GRXCR1: variants seen among roughly 807,000 people sequenced by gnomAD.
The protein encoded by GRXCR1 is glutaredoxin and cysteine rich domain containing 1.
Under a neutral mutation model 27.3 loss-of-function variants are expected in GRXCR1, and 27 were observed. The observed-to-expected ratio is 0.99, with a 90% CI of 0.73 to 1.37. The LOEUF (loss-of-function observed/expected upper bound fraction) is 1.37, where lower values mean the gene tolerates loss of function less well. Among genes scored for constraint, GRXCR1 ranks in the 40% most tolerant of loss-of-function variants. The pLI, the probability that GRXCR1 is intolerant of heterozygous loss-of-function variation, is 0.00. For missense variants in GRXCR1, 379 were observed against 354.4 expected, an observed-to-expected ratio of 1.07 and a Z score of -0.56; for synonymous variants, 122 against 131.1, an observed-to-expected ratio of 0.93 and a Z score of 0.47.
At position 42,920,646 on chromosome 4, in the gene GRXCR1, A is replaced by T. The variant is rs1276774823; in HGVS notation, c.384+26996A>T. Among the ~76,000 whole-genome samples the T allele has an allele frequency of 2.6e-5, 4 of 152,128 alleles. No individual in the cohort carries two copies. In the East Asian group the frequency reaches 7.8e-4, roughly 29 times the overall value. ...GTCCTTTTATCTTATCAAGATGGAT[A>T]ACTCTTGCAGGGTATAAGTTTTTTC... On this transcript the variant is annotated intron_variant, in intron 1 of 3. Coordinates refer to ENST00000399770, the MANE Select transcript of GRXCR1 (RefSeq NM_001080476.3).
intron 3 of GRXCR1, among the ~76,000 whole-genome samples, chr4:43,027,129 C>T (rs1480681175): frequency 6.6e-6 from 1 of 152,164 alleles, no homozygotes; most frequent in Non-Finnish European, 1.5e-5. Flanking sequence ...AAAATCATTT[C>T]AATAGGAATT....
chr4:42,988,848 A>G (rs1242397507), intron 2 of GRXCR1, among the ~76,000 whole-genome samples: 1 of 152,238 alleles, frequency 6.6e-6, no homozygotes, highest in Non-Finnish European at 1.5e-5. Context: ...GTCATATATT[A>G]TCAGAGGATA....
At chr4:42,993,927 G>A (rs1352847052) in intron 2 of GRXCR1, among the ~76,000 whole-genome samples, 1 of 152,084 alleles carries the variant, frequency 6.6e-6, no homozygotes, top group Non-Finnish European at 1.5e-5. Flanking sequence ...ATAAATAAAC[G>A]AGTGTAGAAG....
chr4:42,910,644 A>C (rs1746701990), intron 1 of GRXCR1, among the ~76,000 whole-genome samples: 6 of 152,164 alleles, frequency 3.9e-5, no homozygotes, highest in Admixed American at 3.9e-4. Flanking sequence ...GGAATTCAGC[A>C]TGAGGCCTGG....
chr4:42,986,013 C>T (rs1422687388), intron 2 of GRXCR1, among the ~76,000 whole-genome samples: 1 of 152,012 alleles, frequency 6.6e-6, no homozygotes, highest in Non-Finnish European at 1.5e-5. Context: ...AACATCTCAC[C>T]CAGGGATTTG....
At chr4:43,025,990 A>G (rs990418700) in intron 3 of GRXCR1, among the ~76,000 whole-genome samples, 2 of 152,062 alleles carry the variant, frequency 1.3e-5, no homozygotes, top group African/African-American at 4.8e-5. Context: ...AAAAAAAAAA[A>G]AAGTGGAAGT....
intron 2 of GRXCR1, among the ~76,000 whole-genome samples, chr4:42,975,938 G>T (rs1390634247): frequency 6.6e-6 from 1 of 152,104 alleles, no homozygotes; most frequent in East Asian, 1.9e-4. Flanking sequence ...GAAGGATGCA[G>T]GCATTAAGTA....
chr4:43,026,244 A>G (rs886485963), intron 3 of GRXCR1, among the ~76,000 whole-genome samples: 1 of 152,180 alleles, frequency 6.6e-6, no homozygotes, highest in Non-Finnish European at 1.5e-5. Flanking sequence ...ACACTAATAT[A>G]AGAGCATCCA....
At chr4:42,905,960 A>G (rs556772442) in intron 1 of GRXCR1, among the ~76,000 whole-genome samples, 6 of 152,310 alleles carry the variant, frequency 3.9e-5, no homozygotes, top group African/African-American at 1.2e-4. Flanking sequence ...TTTTTCTTGT[A>G]TGTAATTTGG....
At chr4:43,005,066 G>C (rs1712513017) in intron 2 of GRXCR1, among the ~76,000 whole-genome samples, 1 of 152,144 alleles carries the variant, frequency 6.6e-6, no homozygotes, top group African/African-American at 2.4e-5. Flanking sequence ...CATGGGGGCA[G>C]TTTGCCTCAT....
chr4:42,963,890 C>G (rs1027578816), intron 2 of GRXCR1, among the ~76,000 whole-genome samples: 1 of 151,908 alleles, frequency 6.6e-6, no homozygotes, highest in Non-Finnish European at 1.5e-5. Flanking sequence ...GAACAGAGAC[C>G]GTCGAACCAC....
intron 1 of GRXCR1, among the ~76,000 whole-genome samples, chr4:42,930,078 T>C (rs1324450731): frequency 1.3e-5 from 2 of 152,026 alleles, no homozygotes; most frequent in Admixed American, 1.3e-4. Flanking sequence ...ATCTCATTTC[T>C]GTTGATCAGC....
intron 2 of GRXCR1, among the ~76,000 whole-genome samples, chr4:42,981,555 T>C (rs1246248742): frequency 6.6e-6 from 1 of 152,224 alleles, no homozygotes; most frequent in African/African-American, 2.4e-5. Flanking sequence ...GATGTCTTTG[T>C]GTTACTCATT....
chr4:42,983,846 T>A (rs547631119), intron 2 of GRXCR1, among the ~76,000 whole-genome samples: 1 of 151,326 alleles, frequency 6.6e-6, no homozygotes, highest in Non-Finnish European at 1.5e-5. Context: ...TTCTTTTTTT[T>A]TTTTTTTCAG....
At chr4:42,927,384 C>G (rs764906956) in intron 1 of GRXCR1, among the ~76,000 whole-genome samples, 3 of 151,974 alleles carry the variant, frequency 2.0e-5, no homozygotes, top group Non-Finnish European at 2.9e-5. Flanking sequence ...TACGCCCCTG[C>G]TACAATGATG....
chr4:43,015,757 A>T (rs1041677655), intron 2 of GRXCR1, among the ~76,000 whole-genome samples: 5 of 151,278 alleles, frequency 3.3e-5, no homozygotes, highest in Non-Finnish European at 7.4e-5. Flanking sequence ...ACTAAATATA[A>T]ATTAAAATAA....
intron 2 of GRXCR1, among the ~76,000 whole-genome samples, chr4:43,019,203 C>T (rs1713024684): frequency 1.3e-5 from 2 of 152,138 alleles, no homozygotes; most frequent in South Asian, 4.1e-4. Flanking sequence ...CTTGTGATTT[C>T]CTAGCCTATC....
chr4:43,018,694 T>C (rs1577947617), intron 2 of GRXCR1, among the ~76,000 whole-genome samples: 1 of 152,198 alleles, frequency 6.6e-6, no homozygotes, highest in South Asian at 2.1e-4. Context: ...TGGGGGCATA[T>C]ATTCTCTTTA....
intron 2 of GRXCR1, among the ~76,000 whole-genome samples, chr4:42,986,354 C>T (rs1711723185): frequency 6.6e-6 from 1 of 152,192 alleles, no homozygotes; most frequent in African/African-American, 2.4e-5. Flanking sequence ...TAACCTATGT[C>T]TGTCTTGCAG....
Sources: gnomAD v4.1 joint callset for allele counts (sites outside exome capture counted in the v4.1 genomes callset) on GRCh38, gnomAD v4.1.1 for gene constraint, MANE v1.5 for transcripts, NCBI Gene and HGNC (gene_info 2026-07-23, HGNC 2026-07-21) for gene names.